ESRRB: variants seen among roughly 807,000 people sequenced by gnomAD.
ESRRB encodes steroid hormone receptor ERR2.
A neutral mutation model predicts 46.0 loss-of-function variants in ESRRB; 16 were observed. The ratio of observed to expected loss-of-function variants is 0.35; its 90% CI spans 0.24 to 0.53. The LOEUF (loss-of-function observed/expected upper bound fraction) is 0.53. Ranked by LOEUF, ESRRB falls within the 20% of genes least tolerant of loss-of-function variation. The probability of loss-of-function intolerance (pLI) is 0.93; values close to 1 mark genes in which losing one functional copy is unlikely to be tolerated. For synonymous variants in ESRRB, 246 were observed against 259.6 expected (o/e 0.95, Z 0.50); for missense variants, 488 against 607.4 (o/e 0.80, Z 2.07).
chr14:76,473,257 C>A (rs560544974), intron 3 of ESRRB, among the ~76,000 whole-genome samples: 2 of 152,188 alleles, frequency 1.3e-5, no homozygotes, highest in Non-Finnish European at 2.9e-5. Context: ...AAATGAGATA[C>A]GGGTATGAAA....
chr14:76,340,817 G>T (rs1283848147), intron 1 of ESRRB, among the ~76,000 whole-genome samples: 1 of 152,198 alleles, frequency 6.6e-6, no homozygotes, highest in Non-Finnish European at 1.5e-5. Flanking sequence ...TCTGTCATGG[G>T]TGAGGGGCTC....
chr14:76,348,698 T>G (rs912238594), intron 1 of ESRRB, among the ~76,000 whole-genome samples: 1 of 152,222 alleles, frequency 6.6e-6, no homozygotes, highest in African/African-American at 2.4e-5. Context: ...CATATTTTAT[T>G]TATTTCCTTT....
rs35955826 is a variant in ESRRB at position 76,408,591 on chromosome 14, C to CAAAAA, written c.51-30727_51-30723dup. Among the ~76,000 whole-genome samples, 103 of 42,150 alleles carry CAAAAA rather than the reference C, an allele frequency of 2.4e-3. 6 individuals carry two copies. Among genetic ancestry groups the CAAAAA allele is most frequent in the African/African-American group, 0.011 (100 of 9,434 alleles). The allele number at this position is 42,150 out of a possible 152,430, so 27.7% of individuals were successfully genotyped here. On this transcript the variant is annotated intron_variant, in intron 1 of 6. Coordinates refer to ENST00000644823, the MANE Select transcript of ESRRB (RefSeq NM_001379180.1). The stretch of plus-strand genomic sequence containing the variant: ...TGGGTGACAGAGTGAGACCCTGTCT[C>CAAAAA]AAAAAAAAAAAAAAAAAAAAAAAAA...
intron 3 of ESRRB, among the ~76,000 whole-genome samples, chr14:76,470,110 G>A (rs1428984731): frequency 6.6e-6 from 1 of 151,882 alleles, no homozygotes; most frequent in Non-Finnish European, 1.5e-5. Flanking sequence ...ACCACGCCTG[G>A]TTAATTTTTT....
chr14:76,438,626 T>C (rs1439951535), intron 1 of ESRRB, among the ~76,000 whole-genome samples: 1 of 150,658 alleles, frequency 6.6e-6, no homozygotes, highest in African/African-American at 2.4e-5. Context: ...ATTGGGCCAT[T>C]GCACTCCAGC....
intron 6 of ESRRB, among the ~76,000 whole-genome samples, chr14:76,495,000 T>A (rs938300965): frequency 6.6e-6 from 1 of 152,186 alleles, no homozygotes; most frequent in African/African-American, 2.4e-5. Context: ...TGCTCTTCCC[T>A]TGATCTCACA....
Position 76,376,534 on chromosome 14 carries a change from C to A in ESRRB, c.50+83C>A. On this transcript the variant is annotated intron_variant, in intron 1 of 6. Coordinates refer to ENST00000644823, the MANE Select transcript of ESRRB (RefSeq NM_001379180.1). The surrounding 1 kb of genome is among the most constrained non-coding windows in gnomAD (Gnocchi z 4.1). The stretch of plus-strand genomic sequence containing the variant: ...TGGGGATCGCAGTTCCTTTTCTGCA[C>A]ATTCTTGTGTAAAAGTGGAAGGGAC... The A allele has an allele frequency of 1.9e-6, 2 of 1,031,704 alleles. No homozygotes were observed. Among genetic ancestry groups the A allele is most frequent in the South Asian group, 4.9e-5 (1 of 20,278 alleles). The allele number at this position is 1,031,704 out of a possible 1,614,324, so 63.9% of individuals were successfully genotyped here.
intron 1 of ESRRB, among the ~76,000 whole-genome samples, chr14:76,319,872 G>T (rs1319239993): frequency 6.6e-6 from 1 of 151,996 alleles, no homozygotes; most frequent in Non-Finnish European, 1.5e-5. Flanking sequence ...CATGGCTAAG[G>T]GAAGGGAGTT....
chr14:76,437,451 C>CG (rs1887721514), intron 1 of ESRRB, among the ~76,000 whole-genome samples: 1 of 152,194 alleles, frequency 6.6e-6, no homozygotes, highest in Non-Finnish European at 1.5e-5. Context: ...TTGCAAGATG[C>CG]AAGTGGGCTC....
At position 76,318,409 on chromosome 14, in the gene ESRRB, T is replaced by TC. The variant is rs531965298; in HGVS notation, c.2+7494dup. On this transcript the variant is annotated intron_variant, in intron 1 of 6. Transcript: ENST00000512784. ...GCACTGGTGTGAAGCAAAATAAAAA[T>TC]CAGAGGATAAACATTCCTTTAAAAC... Among the ~76,000 whole-genome samples, 15 of 152,318 alleles carry TC rather than the reference T, an allele frequency of 9.8e-5. No homozygotes were observed. The East Asian group carries it at 2.9e-3, about 29-fold the overall frequency.
intron 1 of ESRRB, among the ~76,000 whole-genome samples, chr14:76,327,066 C>T (rs1032935484): frequency 3.3e-5 from 5 of 152,246 alleles, no homozygotes; most frequent in African/African-American, 1.2e-4. Context: ...GTTTGTGTCT[C>T]TCTTGGGGGC....
Position 76,333,050 on chromosome 14 carries a change from T to TTATATATTATATATTA in ESRRB, c.2+22140_2+22155dup, listed in dbSNP as rs1884060966. Among the ~76,000 whole-genome samples the TTATATATTATATATTA allele has an allele frequency of 1.3e-3, 5 of 3,840 alleles. 1 individual carries two copies. Among genetic ancestry groups the TTATATATTATATATTA allele is most frequent in the Non-Finnish European group, 1.6e-3 (3 of 1,920 alleles). 2.5% of individuals were successfully genotyped at this position (3,840 alleles called of 152,430 possible). Reference sequence around the variant, plus strand: ...TATTATATATATTATATATTATATATTATATATTATATATTATATATTATA... The same window carrying TTATATATTATATATTA: ...TATTATATATATTATATATTATATATTATATATTATATATTATATATATTATATATTATATATTATA... On this transcript the variant is annotated intron_variant, in intron 1 of 6. Transcript: ENST00000512784.
At chr14:76,325,385 G>C (rs560947741) in intron 1 of ESRRB, among the ~76,000 whole-genome samples, 1 of 152,160 alleles carries the variant, frequency 6.6e-6, no homozygotes, top group Non-Finnish European at 1.5e-5. Flanking sequence ...AGAAAGGGAG[G>C]GGTTGTCTGC....
chr14:76,348,295 G>A (rs188789468), intron 1 of ESRRB, among the ~76,000 whole-genome samples: 299 of 152,294 alleles, frequency 2.0e-3, no homozygotes, highest in Non-Finnish European at 3.0e-3. Context: ...CCTGTGGTGG[G>A]TGTCTGGGGC....
chr14:76,383,238 G>A (rs1393829591), intron 1 of ESRRB, among the ~76,000 whole-genome samples: 1 of 152,122 alleles, frequency 6.6e-6, no homozygotes, highest in East Asian at 1.9e-4. Flanking sequence ...ACCAAATGTG[G>A]TTTTAACTTG....
chr14:76,409,975 G>A (rs1345983276), intron 1 of ESRRB, among the ~76,000 whole-genome samples: 1 of 152,198 alleles, frequency 6.6e-6, no homozygotes, highest in African/African-American at 2.4e-5. Context: ...TGTAATGCCA[G>A]CACTTTGAGA....
At chr14:76,315,903 A>G (rs1268789076) in intron 1 of ESRRB, among the ~76,000 whole-genome samples, 2 of 152,182 alleles carry the variant, frequency 1.3e-5, no homozygotes, top group African/African-American at 4.8e-5. Context: ...AGTCAGAGGA[A>G]GCTGTGACTC....
intron 5 of ESRRB, among the ~76,000 whole-genome samples, chr14:76,486,519 A>C (rs546638969): frequency 1.3e-5 from 2 of 152,046 alleles, no homozygotes; most frequent in Non-Finnish European, 2.9e-5. Context: ...ACGATCATAA[A>C]TTAACAGATT....
intron 5 of ESRRB, among the ~76,000 whole-genome samples, chr14:76,490,793 G>A (rs190007617): frequency 2.0e-5 from 3 of 152,294 alleles, no homozygotes; most frequent in Non-Finnish European, 4.4e-5. Context: ...GAGAGTTATG[G>A]CCCGGGAAGA....
Sources: gnomAD v4.1 joint callset for allele counts (sites outside exome capture counted in the v4.1 genomes callset) on GRCh38, gnomAD v4.1.1 for gene constraint, Gnocchi (gnomAD v3.1) non-coding constraint, MANE v1.5 for transcripts, NCBI Gene and HGNC (gene_info 2026-07-23, HGNC 2026-07-21) for gene names.